Variants in AP1G1 observed in about 807,000 individuals in gnomAD.
AP1G1 encodes the protein AP-1 complex subunit gamma-1.
AP1G1 carries 7 observed loss-of-function variants against 108.3 expected under a neutral mutation model. The ratio of observed to expected loss-of-function variants is 0.06; its 90% CI spans 0.04 to 0.12. AP1G1 has a LOEUF of 0.12. Ranked by LOEUF, AP1G1 falls within the 10% of genes least tolerant of loss-of-function variation. AP1G1 has a pLI of 1.00. For synonymous variants in AP1G1, 379 were observed against 353.5 expected (o/e 1.07, Z -0.81); for missense variants, 756 against 1,010.7 (o/e 0.75, Z 3.42).
At position 71,750,302 on chromosome 16, in the gene AP1G1, G is replaced by C; in HGVS notation, c.1315C>G (p.Pro439Ala). The stretch of plus-strand genomic sequence containing the variant: ...TTAGTTATTAACTGGATTAAATTGG[G>C]GACTGCATCATCACGAACATAACTT... ...AGSYVRDDAV[P>A]NLIQLITNSV... is the part of the protein sequence containing the mutation. The change falls in exon 14 of 23, where the codon CCC becomes GCC. Residue 439 changes from proline to alanine, a missense_variant. Coordinates refer to ENST00000299980, the MANE Select transcript of AP1G1 (RefSeq NM_001128.6). The C allele has an allele frequency of 1.9e-6, 3 of 1,613,920 alleles. No individual in the cohort carries two copies. Among genetic ancestry groups the C allele is most frequent in the Non-Finnish European group, 2.5e-6 (3 of 1,179,932 alleles).
intron 1 of AP1G1, among the ~76,000 whole-genome samples, chr16:71,792,827 C>T (rs1409065650): frequency 6.6e-6 from 1 of 151,422 alleles, no homozygotes; most frequent in Admixed American, 6.6e-5. Context: ...GCACTCCAGC[C>T]AGGGTGACGG....
chr16:71,770,191 C>T lies in AP1G1; in HGVS notation c.566-492G>A, dbSNP rs76697261. Among the ~76,000 whole-genome samples, 72 of 152,262 alleles carry T rather than the reference C, an allele frequency of 4.7e-4. 1 individual carries two copies. In the East Asian group the frequency reaches 0.012, roughly 26 times the overall value. Reference sequence around the variant, plus strand: ...AGTCAGTAAAAACAATCTCACAATGCTTTTCACTAAATAATAAATACGTGC... The same window carrying T: ...AGTCAGTAAAAACAATCTCACAATGTTTTTCACTAAATAATAAATACGTGC... On this transcript the variant is annotated intron_variant, in intron 5 of 22. Transcript: ENST00000299980.
At position 71,745,125 on chromosome 16, in the gene AP1G1, T is replaced by C. The variant is rs773594683; in HGVS notation, c.1999+19A>G. On this transcript the variant is annotated intron_variant, in intron 19 of 22. Transcript: ENST00000299980. ...CCTCTATCTTTTCCCAGGTATTAAATAGCTCCAGACTGCCTCACCTGTAAG... is the reference window on the plus strand; with the variant it reads ...CCTCTATCTTTTCCCAGGTATTAAACAGCTCCAGACTGCCTCACCTGTAAG... The C allele has an allele frequency of 1.2e-6, 2 of 1,613,146 alleles. No homozygotes were observed. Among genetic ancestry groups the C allele is most frequent in the South Asian group, 1.1e-5 (1 of 90,910 alleles).
chr16:71,753,582 C>T, intron 13 of AP1G1: 1 of 473,262 alleles, frequency 2.1e-6, no homozygotes, highest in Non-Finnish European at 3.9e-6. Context: ...AATGTTATCT[C>T]CTCTGAGAGA....
rs376677476 is a variant in AP1G1, at chr16:71,789,265, T to C, written c.201+14A>G. ...AAGAATACCCTTGCTACATGTAGTC[T>C]CAGCCCAGCCTACCTGTCCAAAGTG... On this transcript the variant is annotated intron_variant, in intron 2 of 22. Transcript: ENST00000299980. 6 of 1,610,060 alleles carry C rather than the reference T, an allele frequency of 3.7e-6. No homozygotes were observed. The African/African-American group carries it at 8.0e-5, about 22-fold the overall frequency.
chr16:71,745,200 T>G lies in AP1G1; in HGVS notation c.1943A>C (p.Lys648Thr). ...TPVIPTAPTSKPSSAGGELLD... is the reference protein window; with the variant it reads ...TPVIPTAPTSTPSSAGGELLD... ...AAGTTCTCCACCAGCAGAAGATGGT[T>G]TGCTTGTAGGCGCAGTTGGAATAAC... The change falls in exon 19 of 23, where the codon AAA (lysine) becomes ACA (threonine). Residue 648 changes from lysine (K) to threonine (T), a missense_variant. Lys to Thr is a moderately conservative substitution (Grantham distance 78, BLOSUM62 -1). Around this residue, in one of 3 missense-constraint regions of AP1G1, gnomAD observed 357 missense variants for 366.5 expected, o/e 0.97. Transcript: ENST00000299980. 1 of 1,614,182 alleles carries G rather than the reference T, an allele frequency of 6.2e-7. No homozygotes were observed. The highest frequency in any genetic ancestry group is 8.5e-7 in the Non-Finnish European group (1 of 1,180,032).
At chr16:71,750,362 G>A in intron 13 of AP1G1, 30 bp from the exon 14 acceptor site, 1 of 1,611,070 alleles carries the variant, frequency 6.2e-7, no homozygotes, top group Non-Finnish European at 8.5e-7. Flanking sequence ...ATTACCCCTA[G>A]AAACACACAG....
chr16:71,795,875 A>G (rs1403470761), intron 1 of AP1G1, among the ~76,000 whole-genome samples: 3 of 152,180 alleles, frequency 2.0e-5, no homozygotes, highest in Admixed American at 6.6e-5. Context: ...CACAGAAGGG[A>G]AATGGTCTAC....
At chr16:71,779,985 G>GTTTTTT (rs1046891832) in intron 2 of AP1G1, among the ~76,000 whole-genome samples, 2 of 139,428 alleles carry the variant, frequency 1.4e-5, no homozygotes, top group African/African-American at 5.5e-5. Context: ...TTTTGTTTCA[G>GTTTTTT]TTTTTTTTTG....
chr16:71,782,302 T>A (rs901798247), intron 2 of AP1G1, among the ~76,000 whole-genome samples: 2 of 151,774 alleles, frequency 1.3e-5, no homozygotes, highest in Non-Finnish European at 2.9e-5. Context: ...TACCTGGGAT[T>A]ACAGGTATCT....
chr16:71,787,330 A>C (rs1370025703), intron 2 of AP1G1, among the ~76,000 whole-genome samples: 1 of 150,976 alleles, frequency 6.6e-6, no homozygotes, highest in Non-Finnish European at 1.5e-5. Context: ...AAAAAAAAAA[A>C]AAAAAAAAAA....
intron 1 of AP1G1, among the ~76,000 whole-genome samples, chr16:71,800,508 C>A (rs7501228): frequency 0.5 from 75,638 of 150,754 alleles, 19,633 homozygotes; most frequent in Middle Eastern, 0.65. Context: ...ATGGAGAAAC[C>A]CCCCCGTCTC....
chr16:71,774,152 T>C (rs902689022), intron 3 of AP1G1, among the ~76,000 whole-genome samples: 1 of 147,164 alleles, frequency 6.8e-6, no homozygotes, highest in Admixed American at 6.8e-5. Flanking sequence ...CCGAGGTGCA[T>C]GGATAATCTG....
At chr16:71,780,729 T>G (rs1384695139) in intron 2 of AP1G1, among the ~76,000 whole-genome samples, 1 of 152,064 alleles carries the variant, frequency 6.6e-6, no homozygotes, top group African/African-American at 2.4e-5. Flanking sequence ...GTTAGTAACC[T>G]CTAACTCTTG....
intron 2 of AP1G1, among the ~76,000 whole-genome samples, chr16:71,785,437 G>A (rs564115198): frequency 3.2e-4 from 48 of 152,094 alleles, no homozygotes; most frequent in Non-Finnish European, 6.8e-4. Context: ...TTAGCCGGGT[G>A]TGGTGGCAGG....
intron 19 of AP1G1, among the ~76,000 whole-genome samples, chr16:71,739,764 TAAAG>T (rs955771194): frequency 1.7e-4 from 25 of 143,622 alleles, no homozygotes; most frequent in African/African-American, 6.4e-4. Context: ...AAAAAAAAAG[TAAAG>T]AGAGAGAGCC....
intron 2 of AP1G1, among the ~76,000 whole-genome samples, chr16:71,779,713 C>T (rs1270316792): frequency 2.0e-5 from 3 of 152,098 alleles, no homozygotes; most frequent in Admixed American, 2.0e-4. Context: ...ATGTTTCTGG[C>T]CTTTTTACAT....
intron 2 of AP1G1, among the ~76,000 whole-genome samples, chr16:71,774,911 G>C (rs1240846426): frequency 6.6e-6 from 1 of 151,616 alleles, no homozygotes; most frequent in Non-Finnish European, 1.5e-5. Context: ...AGTAGAGACA[G>C]GGTTTCACCA....
intron 14 of AP1G1, 113 bp downstream of exon 14, chr16:71,750,097 A>T (rs2270829): frequency 0.48 from 703,921 of 1,469,356 alleles, 173,235 homozygotes; most frequent in Middle Eastern, 0.63. Context: ...CTAGAGTGTT[A>T]GAAATAAAGA....
Sources: allele counts gnomAD v4.1 joint callset (sites outside exome capture counted in the v4.1 genomes callset), GRCh38; gene constraint gnomAD v4.1.1; regional missense constraint gnomAD v4.1.1; transcripts MANE v1.5; gene names NCBI Gene and HGNC (gene_info 2026-07-23, HGNC 2026-07-21).